The following CRBN variants were observed in gnomAD, a reference collection of about 807,000 sequenced individuals.
CRBN encodes protein cereblon.
In CRBN, 53 loss-of-function variants were observed where a neutral mutation model predicts 62.2. The observed-to-expected ratio is 0.85, with a 90% CI of 0.68 to 1.07. The LOEUF is 1.07. CRBN is among the 50% of genes least tolerant of loss of function. The pLI is 0.00. For missense variants in CRBN, 616 were observed against 531.1 expected, an observed-to-expected ratio of 1.16 and a Z score of -1.57; for synonymous variants, 208 against 176.1, an observed-to-expected ratio of 1.18 and a Z score of -1.43.
rs1392453549 is a variant in CRBN at position 3,179,653 on chromosome 3, T to G, written c.35A>C (p.His12Pro). Residue 12 changes from histidine to proline, a missense_variant, in exon 1 of 11, where the codon CAC becomes CCC. His to Pro is a moderately conservative substitution (Grantham distance 77). Coordinates refer to ENST00000231948, the MANE Select transcript of CRBN (RefSeq NM_016302.4). ...AGEGDQQDAA[H>P]NMGNHLPLLP... ...GAGCGGCAGGTGGTTGCCCATGTTG[T>G]GCGCAGCGTCCTGCTGATCTCCTTC... The G allele has an allele frequency of 6.2e-6, 10 of 1,613,096 alleles. No individual in the cohort carries two copies. The highest frequency in any genetic ancestry group is 8.5e-6 in the Non-Finnish European group (10 of 1,179,644).
At chr3:3,153,159 G>A (rs1575080235) in intron 9 of CRBN, 1 of 421,168 alleles carries the variant, frequency 2.4e-6, no homozygotes, top group Non-Finnish European at 4.4e-6. Context: ...TATATAGATT[G>A]TCAACAAGAA....
At chr3:3,175,445 T>G (rs1575102071) in intron 1 of CRBN, among the ~76,000 whole-genome samples, 176 bp from the exon 2 acceptor site, 1 of 5,792 alleles carries the variant, frequency 1.7e-4, no homozygotes, top group South Asian at 0.5. Flanking sequence ...TCAGTAGCTA[T>G]TTTTTTTTTT....
chr3:3,161,817 T>A (rs1352516721), intron 5 of CRBN, among the ~76,000 whole-genome samples: 1 of 152,202 alleles, frequency 6.6e-6, no homozygotes, highest in Non-Finnish European at 1.5e-5. Context: ...TTAGTACAGA[T>A]CTATCATCAG....
chr3:3,179,471 GC>G (rs1707977945), intron 1 of CRBN, 149 bp downstream of exon 1: 1 of 704,362 alleles, frequency 1.4e-6, no homozygotes, highest in Non-Finnish European at 2.5e-6. Context: ...CTGGCCGAGG[GC>G]CGACGTGAAG....
chr3:3,178,980 A>T (rs990804145), intron 1 of CRBN, among the ~76,000 whole-genome samples: 38 of 152,320 alleles, frequency 2.5e-4, no homozygotes, highest in African/African-American at 8.2e-4. Context: ...TCTCTGATTA[A>T]GCATAATCGT....
rs558814724 is a variant in CRBN at position 3,163,892 on chromosome 3, C to T, written c.687+3742G>A. ...CAAGTCTATCAAGCCATTTTTCCAA[C>T]AGCATGTGCTAACTACCTGCCTGTG... On this transcript the variant is annotated intron_variant, in intron 5 of 10. Transcript: ENST00000231948. Among the ~76,000 whole-genome samples, 4 of 152,302 alleles carry T rather than the reference C, an allele frequency of 2.6e-5. No individual in the cohort carries two copies. The East Asian group carries it at 7.7e-4, about 29-fold the overall frequency.
At position 3,152,550 on chromosome 3, in the gene CRBN, G is replaced by A. The variant is rs754056968; in HGVS notation, c.1054C>T (p.Pro352Ser). The A allele has an allele frequency of 6.2e-7, 1 of 1,613,968 alleles. No homozygotes were observed. Among genetic ancestry groups the A allele is most frequent in the South Asian group, 1.1e-5 (1 of 91,080 alleles). Residue 352 changes from proline to serine, a missense_variant, in exon 10 of 11, where the codon CCT (proline) becomes TCT (serine). By Grantham distance (74) the Pro-to-Ser change is moderately conservative. Transcript: ENST00000231948. ...AGTGTCTCATGCACATATCCATGAG[G>A]ATTCACATAAGCTGCCATCGGCCCA... is the stretch of plus-strand genomic sequence containing the variant. ...LCGPMAAYVNPHGYVHETLTV... is the reference protein window; with the variant it reads ...LCGPMAAYVNSHGYVHETLTV...
intron 4 of CRBN, among the ~76,000 whole-genome samples, chr3:3,170,283 T>G (rs1377881503): frequency 6.6e-6 from 1 of 152,252 alleles, no homozygotes; most frequent in Non-Finnish European, 1.5e-5. Flanking sequence ...ACCTGGCCTC[T>G]GTAGTGTACT....
intron 5 of CRBN, 151 bp from the exon 6 acceptor site, chr3:3,156,432 A>G (rs547310140): frequency 2.0e-5 from 13 of 653,918 alleles, no homozygotes; most frequent in Non-Finnish European, 3.0e-5. Context: ...TGACGTGACT[A>G]TCTATGAAGT....
At chr3:3,172,470 T>C (rs772490804) in intron 4 of CRBN, 12 of 373,094 alleles carry the variant, frequency 3.2e-5, no homozygotes, top group Non-Finnish European at 5.5e-5. Context: ...TGGATTTACA[T>C]GATTGTTCTC....
rs373325673 is a variant in CRBN, at chr3:3,174,121, T to C, written c.315A>G (p.Gln105=). 1.1e-5 allele frequency: 17 copies of C among 1,614,026 alleles called. No homozygotes were observed. The African/African-American group carries it at 2.0e-4, about 19-fold the overall frequency. The stretch of plus-strand genomic sequence containing the variant: ...TTAAATTCCGCACCATACTGACTTC[T>C]TGAGGGTGAAAAAGCTGAAGAGGTA... ...QTLPLQLFHP[Q]EVSMVRNLIQ... Residue 105 remains glutamine, a synonymous_variant, in exon 3 of 11, where the codon CAA becomes CAG. Transcript: ENST00000231948.
intron 4 of CRBN, among the ~76,000 whole-genome samples, chr3:3,169,832 C>T (rs1648130844): frequency 6.6e-6 from 1 of 152,122 alleles, no homozygotes; most frequent in Non-Finnish European, 1.5e-5. Flanking sequence ...ATCCCCTCCT[C>T]CTCTCTACAT....
intron 1 of CRBN, among the ~76,000 whole-genome samples, chr3:3,177,182 G>C (rs1316517452): frequency 6.6e-6 from 1 of 152,188 alleles, no homozygotes; most frequent in African/African-American, 2.4e-5. Context: ...AAGAATTACT[G>C]AATCTCATTT....
intron 5 of CRBN, among the ~76,000 whole-genome samples, chr3:3,157,048 C>T (rs1490715048): frequency 6.6e-6 from 1 of 152,064 alleles, no homozygotes; most frequent in Non-Finnish European, 1.5e-5. Flanking sequence ...AGTGCAATAC[C>T]AGTGAGAATG....
At chr3:3,154,577 T>G (rs775290881) in intron 7 of CRBN, 170 bp downstream of exon 7, 18 of 502,026 alleles carry the variant, frequency 3.6e-5, no homozygotes, top group Non-Finnish European at 5.9e-5. Context: ...TGCAATTAAT[T>G]TTAAAATACT....
chr3:3,153,793 TTTGA>T, intron 8 of CRBN, 163 bp downstream of exon 8: 1 of 650,636 alleles, frequency 1.5e-6, no homozygotes, highest in South Asian at 1.8e-5. Flanking sequence ...TGTATTCATA[TTTGA>T]CAAACACAAA....
At chr3:3,156,303 A>C (rs888981155) in intron 5 of CRBN, 22 bp from the exon 6 acceptor site, 8 of 1,603,212 alleles carry the variant, frequency 5.0e-6, no homozygotes, top group Non-Finnish European at 6.8e-6. Context: ...ACAAAAAGGC[A>C]CTTAAAAAAC....
At position 3,172,795 on chromosome 3, in the gene CRBN, G is replaced by C. The variant is rs1324379152; in HGVS notation, c.508C>G (p.Leu170Val). The C allele has an allele frequency of 6.2e-7, 1 of 1,613,932 alleles. No homozygotes were observed. The change falls in exon 4 of 11, where the codon CTA (leucine) becomes GTA (valine). Residue 170 changes from leucine (L) to valine (V), a missense_variant. Coordinates refer to ENST00000231948, the MANE Select transcript of CRBN (RefSeq NM_016302.4). Reference protein sequence around the residue: ...IGRQRFKVLELRTQSDGIQQA... With the variant: ...IGRQRFKVLEVRTQSDGIQQA... ...TCTTACCCATCTGACTGTGTTCTTA[G>C]CTCAAGGACTTTGAACCTTTGTCTT...
At chr3:3,167,592 T>C (rs774973299) in intron 5 of CRBN, 42 bp downstream of exon 5, 17 of 1,582,686 alleles carry the variant, frequency 1.1e-5, no homozygotes, top group Non-Finnish European at 1.5e-5. Context: ...AAAAACAACC[T>C]GTCTTCATTT....
Sources: allele counts gnomAD v4.1 joint callset (sites outside exome capture counted in the v4.1 genomes callset), GRCh38; gene constraint gnomAD v4.1.1; transcripts MANE v1.5; gene names NCBI Gene and HGNC (gene_info 2026-07-23, HGNC 2026-07-21).